KDM4C: variants seen among roughly 807,000 people sequenced by gnomAD.
KDM4C encodes the protein lysine-specific demethylase 4C.
Under a neutral mutation model 129.3 loss-of-function variants are expected in KDM4C, and 81 were observed. The observed-to-expected ratio is 0.63, with a 90% confidence interval of 0.52 to 0.75. KDM4C has a LOEUF of 0.75. Among genes scored for constraint, KDM4C ranks in the 30% least tolerant of loss-of-function variants. KDM4C has a pLI of 0.00. For missense variants in KDM4C, 1,457 were observed against 1,304.0 expected (o/e 1.12, Z -1.81); for synonymous variants, 573 against 456.1 (o/e 1.26, Z -3.26).
At chr9:6,912,517 TA>T (rs948689323) in intron 8 of KDM4C, among the ~76,000 whole-genome samples, 6 of 152,138 alleles carry the variant, frequency 3.9e-5, no homozygotes, top group Non-Finnish European at 5.9e-5. Flanking sequence ...ACACAGTGGA[TA>T]AAAACAGAAA....
At chr9:7,006,555 A>C (rs1438812389) in intron 12 of KDM4C, among the ~76,000 whole-genome samples, 1 of 152,108 alleles carries the variant, frequency 6.6e-6, no homozygotes, top group African/African-American at 2.4e-5. Flanking sequence ...CACCTTGGAA[A>C]GGCTGAGAAG....
At chr9:6,790,654 CAAAAAA>C (rs1186296239) in intron 1 of KDM4C, among the ~76,000 whole-genome samples, 16 of 65,230 alleles carry the variant, frequency 2.5e-4, no homozygotes, top group Non-Finnish European at 3.4e-4. Context: ...TTAAATTCAG[CAAAAAA>C]AAAAAAAAAA....
intron 7 of KDM4C, among the ~76,000 whole-genome samples, chr9:6,889,589 G>T (rs1479912803): frequency 6.6e-6 from 1 of 152,158 alleles, no homozygotes; most frequent in Non-Finnish European, 1.5e-5. Context: ...ACACCTCTGG[G>T]CACCAGGCTT....
intron 11 of KDM4C, among the ~76,000 whole-genome samples, chr9:6,988,694 A>G (rs1818184533): frequency 6.6e-6 from 1 of 152,008 alleles, no homozygotes; most frequent in Non-Finnish European, 1.5e-5. Flanking sequence ...CCATCCATCC[A>G]TCCATCCATC....
At chr9:7,040,741 G>A (rs1189124245) in intron 15 of KDM4C, among the ~76,000 whole-genome samples, 1 of 151,550 alleles carries the variant, frequency 6.6e-6, no homozygotes, top group Non-Finnish European at 1.5e-5. Flanking sequence ...ACAATTTCAG[G>A]TTAGATGTCA....
intron 1 of KDM4C, among the ~76,000 whole-genome samples, chr9:6,779,947 A>G (rs1403413477): frequency 6.6e-6 from 1 of 152,188 alleles, no homozygotes; most frequent in Non-Finnish European, 1.5e-5. Flanking sequence ...ATTTTGTAGC[A>G]CTGAATGCAA....
At chr9:6,766,941 C>G (rs984271669) in intron 1 of KDM4C, among the ~76,000 whole-genome samples, 2 of 151,756 alleles carry the variant, frequency 1.3e-5, no homozygotes, top group African/African-American at 2.4e-5. Flanking sequence ...TTTTTTGTAC[C>G]AGATGTTTGT....
chr9:6,877,189 G>C (rs1011296856), intron 5 of KDM4C, among the ~76,000 whole-genome samples: 1 of 152,076 alleles, frequency 6.6e-6, no homozygotes, highest in African/African-American at 2.4e-5. Flanking sequence ...CAGGAAAAAG[G>C]CTTAGAAAGT....
upstream of KDM4C, among the ~76,000 whole-genome samples, chr9:6,754,545 C>G (rs982732829): frequency 2.0e-5 from 3 of 152,090 alleles, no homozygotes; most frequent in African/African-American, 7.2e-5. Context: ...GTGTAGTGTA[C>G]TTCAACAGAT....
intron 15 of KDM4C, among the ~76,000 whole-genome samples, chr9:7,033,505 T>A (rs2132389729): frequency 6.6e-6 from 1 of 152,308 alleles, no homozygotes; most frequent in East Asian, 1.9e-4. Flanking sequence ...TATTTCACTT[T>A]AACCAAACAG....
chr9:6,753,967 C>T (rs1467574757), upstream of KDM4C, among the ~76,000 whole-genome samples: 37 of 148,382 alleles, frequency 2.5e-4, no homozygotes, highest in Admixed American at 2.1e-3. Flanking sequence ...CTCCGCCTCC[C>T]GGGTTCATGC....
chr9:7,117,659 ACAC>A (rs1166299061), intron 18 of KDM4C, among the ~76,000 whole-genome samples: 1 of 148,936 alleles, frequency 6.7e-6, no homozygotes, highest in Non-Finnish European at 1.5e-5. Context: ...ACACACACAC[ACAC>A]ACACACTGCT....
At chr9:6,856,673 AGT>A (rs1839908610) in intron 5 of KDM4C, among the ~76,000 whole-genome samples, 1 of 151,346 alleles carries the variant, frequency 6.6e-6, no homozygotes, top group African/African-American at 2.4e-5. Flanking sequence ...CCTGGGCTCA[AGT>A]GATCCTCCCA....
chr9:7,170,052 A>G (rs1405989249), intron 21 of KDM4C, 162 bp downstream of exon 21: 5 of 1,512,748 alleles, frequency 3.3e-6, no homozygotes, highest in Non-Finnish European at 4.5e-6. Flanking sequence ...TGCAAACTTC[A>G]AATTCAACCA....
chr9:6,813,443 A>T (rs926571353), intron 3 of KDM4C, among the ~76,000 whole-genome samples: 3 of 152,234 alleles, frequency 2.0e-5, no homozygotes, highest in African/African-American at 7.2e-5. Context: ...TATTTTGAAT[A>T]CAGTTGTTCC....
chr9:6,761,744 T>C (rs191108769), intron 1 of KDM4C, among the ~76,000 whole-genome samples: 262 of 152,332 alleles, frequency 1.7e-3, no homozygotes, highest in Admixed American at 2.5e-3. Flanking sequence ...GCTCAATATC[T>C]ACTGAAAAAT....
intron 12 of KDM4C, among the ~76,000 whole-genome samples, chr9:7,004,816 A>T (rs573422474): frequency 6.6e-6 from 1 of 152,314 alleles, no homozygotes; most frequent in East Asian, 1.9e-4. Flanking sequence ...TCTTAAACAC[A>T]TTACAGTGTT....
intron 17 of KDM4C, among the ~76,000 whole-genome samples, chr9:7,052,863 C>CAGAGAGAGAGAGAGATAG (rs1830339896): frequency 4.9e-5 from 2 of 41,106 alleles, no homozygotes; most frequent in East Asian, 1.3e-3. Flanking sequence ...GCCACACCTG[C>CAGAGAGAGAGAGAGATAG]AGAGAGAGAG....
intron 15 of KDM4C, among the ~76,000 whole-genome samples, chr9:7,028,152 A>G (rs1376189875): frequency 6.6e-6 from 1 of 152,050 alleles, no homozygotes; most frequent in Admixed American, 6.5e-5. Context: ...TTCTTATCAG[A>G]AAGAATCTCT....
Sources: gnomAD v4.1 joint callset for allele counts (sites outside exome capture counted in the v4.1 genomes callset) on GRCh38, gnomAD v4.1.1 for gene constraint, MANE v1.5 for transcripts, NCBI Gene and HGNC (gene_info 2026-07-23, HGNC 2026-07-21) for gene names.